Variants in TMEM132D observed in about 807,000 individuals in gnomAD.
TMEM132D encodes the protein transmembrane protein 132D.
Under a neutral mutation model 62.3 loss-of-function variants are expected in TMEM132D, and 21 were observed. The observed-to-expected ratio is 0.34, with a 90% CI of 0.24 to 0.49. TMEM132D has a LOEUF of 0.49. Among genes scored for constraint, TMEM132D ranks in the 20% least tolerant of loss-of-function variants. The pLI, the probability that TMEM132D is intolerant of heterozygous loss-of-function variation, is 0.99. For synonymous variants in TMEM132D, 621 were observed against 575.6 expected (o/e 1.08, Z -1.13); for missense variants, 1,346 against 1,402.8 (o/e 0.96, Z 0.65).
rs764332687 is a variant in TMEM132D at position 129,469,768 on chromosome 12, T to C, written c.1115+61291A>G. Among the ~76,000 whole-genome samples the C allele has an allele frequency of 1.1e-4, 17 of 152,234 alleles. 1 individual carries two copies. Among genetic ancestry groups the C allele is most frequent in the African/African-American group, 1.2e-4 (5 of 41,460 alleles). ...TTCTGTCCTTTAGTTTTGTCCTTTGTCGTCTCTGTTGAAGATTTAAACCAC... is the reference window on the plus strand; with the variant it reads ...TTCTGTCCTTTAGTTTTGTCCTTTGCCGTCTCTGTTGAAGATTTAAACCAC... On this transcript the variant is annotated intron_variant, in intron 3 of 8. Coordinates refer to ENST00000422113, the MANE Select transcript of TMEM132D (RefSeq NM_133448.3).
In TMEM132D at chr12:129,219,885, T is replaced by C. The variant is rs535173822; in HGVS notation, c.1300-10222A>G. Among the ~76,000 whole-genome samples, 48 of 152,306 alleles carry C rather than the reference T, an allele frequency of 3.2e-4. No homozygotes were observed. In the South Asian group the frequency reaches 8.1e-3, roughly 26 times the overall value. On this transcript the variant is annotated intron_variant, in intron 4 of 8. Transcript: ENST00000422113. ...GTAGGGCTGACACCATACAGGGAGC[T>C]GGCCTTGCACCTTTTGGGAGCACAG...
chr12:129,870,806 G>A (rs1874215375), intron 1 of TMEM132D, among the ~76,000 whole-genome samples: 2 of 152,014 alleles, frequency 1.3e-5, no homozygotes, highest in South Asian at 4.2e-4. Flanking sequence ...TAAAATAGAG[G>A]GAATCAATGG....
chr12:129,420,310 T>TTTTTTTG (rs1566063074), intron 3 of TMEM132D, among the ~76,000 whole-genome samples: 1 of 38,470 alleles, frequency 2.6e-5, no homozygotes, highest in African/African-American at 6.2e-5. Flanking sequence ...TTCTCTGTTT[T>TTTTTTTG]TTTTTTTTTT....
chr12:129,787,729 A>G (rs1030118827), intron 1 of TMEM132D, among the ~76,000 whole-genome samples: 1 of 152,170 alleles, frequency 6.6e-6, no homozygotes, highest in South Asian at 2.1e-4. Context: ...ACAGAGCTGA[A>G]CGAAGTAGAG....
At chr12:129,252,616 T>G (rs1880298604) in intron 4 of TMEM132D, among the ~76,000 whole-genome samples, 1 of 152,170 alleles carries the variant, frequency 6.6e-6, no homozygotes, top group Non-Finnish European at 1.5e-5. Flanking sequence ...GTTCGACCAT[T>G]GTGGAAGTCA....
chr12:129,687,679 A>G (rs1349741815), intron 2 of TMEM132D, among the ~76,000 whole-genome samples: 1 of 152,116 alleles, frequency 6.6e-6, no homozygotes, highest in East Asian at 1.9e-4. Context: ...GGGCTGCAGC[A>G]GAGGCTTGTT....
chr12:129,667,401 GAA>G (rs1373432683), intron 2 of TMEM132D, among the ~76,000 whole-genome samples: 1 of 152,134 alleles, frequency 6.6e-6, no homozygotes, highest in Non-Finnish European at 1.5e-5. Context: ...GAACAAAAGG[GAA>G]GAGAGAGAAA....
rs764403372 is a variant in TMEM132D, at chr12:129,310,235, G to A, written c.1299+27399C>T. ...AAGGAGGGTGGGTGGGAGGTGGCAG[G>A]AACCAGGTCAGGAGGTAGGATGCCA... is the stretch of plus-strand genomic sequence containing the variant. On this transcript the variant is annotated intron_variant, in intron 4 of 8. Transcript: ENST00000422113. Among the ~76,000 whole-genome samples the A allele has an allele frequency of 5.6e-4, 86 of 152,290 alleles. 1 individual carries two copies. The highest frequency in any genetic ancestry group is 1.1e-3 in the Non-Finnish European group (77 of 68,014).
chr12:129,330,859 C>T lies in TMEM132D; in HGVS notation c.1299+6775G>A, dbSNP rs946467561. 4.6e-5 allele frequency among the ~76,000 whole-genome samples: 7 copies of T among 152,220 alleles called. No individual in the cohort carries two copies. The East Asian group carries it at 5.8e-4, about 13-fold the overall frequency. ...CCAAGGATCAAAGAATAAAATGAGA[C>T]GAGGAAGGACTTAGAGTGCAAATCA... On this transcript the variant is annotated intron_variant, in intron 4 of 8. Transcript: ENST00000422113.
chr12:129,594,777 A>G (rs574681522), intron 2 of TMEM132D, among the ~76,000 whole-genome samples: 24 of 151,112 alleles, frequency 1.6e-4, no homozygotes, highest in African/African-American at 5.8e-4. Flanking sequence ...TCATCCACGG[A>G]CTCCCCCTCC....
At chr12:129,300,611 TCTTCC>T (rs1423618988) in intron 4 of TMEM132D, among the ~76,000 whole-genome samples, 1 of 152,220 alleles carries the variant, frequency 6.6e-6, no homozygotes, top group African/African-American at 2.4e-5. Flanking sequence ...GGGGAGAATC[TCTTCC>T]CTTGTCTTTT....
chr12:129,465,427 G>T (rs2137042800), intron 3 of TMEM132D, among the ~76,000 whole-genome samples: 1 of 152,244 alleles, frequency 6.6e-6, no homozygotes, highest in East Asian at 1.9e-4. Context: ...ATTCAACATA[G>T]TGTTGGAAGT....
intron 1 of TMEM132D, among the ~76,000 whole-genome samples, chr12:129,716,704 A>C (rs1210941376): frequency 6.6e-6 from 1 of 152,144 alleles, no homozygotes; most frequent in African/African-American, 2.4e-5. Flanking sequence ...ATTATCCTGG[A>C]TTATCTAGGT....
intron 7 of TMEM132D, among the ~76,000 whole-genome samples, chr12:129,080,952 A>G (rs1013876924): frequency 6.6e-6 from 1 of 152,118 alleles, no homozygotes; most frequent in African/African-American, 2.4e-5. Context: ...ATGGAGGCAC[A>G]ATCACTTCAC....
chr12:129,538,923 G>A (rs1593057414), intron 2 of TMEM132D, among the ~76,000 whole-genome samples: 2 of 151,218 alleles, frequency 1.3e-5, no homozygotes, highest in African/African-American at 4.9e-5. Context: ...TAGGTCAGAA[G>A]GAGCGTTGGC....
intron 3 of TMEM132D, among the ~76,000 whole-genome samples, chr12:129,352,166 A>C (rs1218482438): frequency 6.6e-6 from 1 of 152,228 alleles, no homozygotes; most frequent in East Asian, 1.9e-4. Context: ...GTAAGGGAAC[A>C]AATTAATAAT....
intron 3 of TMEM132D, among the ~76,000 whole-genome samples, chr12:129,429,005 AGTAGTCCAAAGTCCTTCAAGTTACTCACT>A (rs1277390832): frequency 1.3e-5 from 2 of 151,804 alleles, no homozygotes; most frequent in African/African-American, 4.8e-5. Context: ...AGTTACTCAC[AGTAGTCCAAAGTCCTTCAAGTTACTCACT>A]GTAGTCCAAA....
intron 5 of TMEM132D, among the ~76,000 whole-genome samples, chr12:129,099,464 T>G (rs1357610767): frequency 6.6e-6 from 1 of 152,126 alleles, no homozygotes; most frequent in East Asian, 1.9e-4. Context: ...CAAAAAAACC[T>G]CCCACCTATG....
At chr12:129,112,219 C>T (rs1875725342) in intron 5 of TMEM132D, among the ~76,000 whole-genome samples, 1 of 152,178 alleles carries the variant, frequency 6.6e-6, no homozygotes, top group Admixed American at 6.5e-5. Flanking sequence ...GTGAGGCCTG[C>T]CTGGATGCAT....
Sources: allele counts gnomAD v4.1 joint callset (sites outside exome capture counted in the v4.1 genomes callset), GRCh38; gene constraint gnomAD v4.1.1; transcripts MANE v1.5; gene names NCBI Gene and HGNC (gene_info 2026-07-23, HGNC 2026-07-21).